TFCP2: variants seen among roughly 807,000 people sequenced by gnomAD.
TFCP2 encodes the protein alpha-globin transcription factor CP2.
In TFCP2, 33 loss-of-function variants were observed where a neutral mutation model predicts 73.4. The ratio of observed to expected loss-of-function variants is 0.45; its 90% CI spans 0.34 to 0.60. The LOEUF is 0.60. TFCP2 is among the 20% of genes least tolerant of loss of function. The pLI is 0.01. For missense variants in TFCP2, 352 were observed against 604.0 expected (o/e 0.58, Z 4.37); for synonymous variants, 193 against 211.6 (o/e 0.91, Z 0.76).
At chr12:51,122,239 ATTTTTTTTCTTTTCTTTTTT>A (rs1940695927) in intron 1 of TFCP2, among the ~76,000 whole-genome samples, 1 of 113,936 alleles carries the variant, frequency 8.8e-6, no homozygotes, top group African/African-American at 3.3e-5. Flanking sequence ...AAACAGTTTT[ATTTTTTTTCTTTTCTTTTTT>A]TTTTTTTTTT....
At position 51,106,567 on chromosome 12, in the gene TFCP2, G is replaced by A; in HGVS notation, c.875C>T (p.Pro292Leu). 1 of 1,613,610 alleles carries A rather than the reference G, an allele frequency of 6.2e-7. No individual in the cohort carries two copies. Among genetic ancestry groups the A allele is most frequent in the Non-Finnish European group, 8.5e-7 (1 of 1,179,806 alleles). The change falls in exon 8 of 15, where the codon CCT (proline) becomes CTT (leucine). Residue 292 changes from proline to leucine, a missense_variant. Around this residue, in one of 6 missense-constraint regions of TFCP2, gnomAD observed 194 missense variants for 256.3 expected, o/e 0.76. Transcript: ENST00000257915. The stretch of plus-strand genomic sequence containing the variant: ...ACTGCTATGGGAACTGTTGAAGCCA[G>A]GTGATGGGGAGTTATTGACATACGT... Reference protein sequence around the residue: ...EITYVNNSPSPGFNSSHSSFS... With the variant: ...EITYVNNSPSLGFNSSHSSFS...
chr12:51,113,824 C>T (rs548323721), intron 4 of TFCP2, among the ~76,000 whole-genome samples: 2 of 152,258 alleles, frequency 1.3e-5, no homozygotes, highest in South Asian at 2.1e-4. Flanking sequence ...TTTCAACAAA[C>T]GGTGTGGAGA....
rs1329129490 is a variant in TFCP2 at position 51,118,605 on chromosome 12, T to C, written c.274+16A>G. The stretch of plus-strand genomic sequence containing the variant: ...GTAGGTCTGCAATAGTACTAATGAA[T>C]GAGGAAGCATCTAACCTTGATTGAG... On this transcript the variant is annotated intron_variant, in intron 2 of 14. Transcript: ENST00000257915. 1.2e-6 allele frequency: 2 copies of C among 1,611,990 alleles called. No homozygotes were observed. The highest frequency in any genetic ancestry group is 1.7e-6 in the Non-Finnish European group (2 of 1,178,872).
At chr12:51,124,958 G>C (rs959132755) in intron 1 of TFCP2, 1 of 751,356 alleles carries the variant, frequency 1.3e-6, no homozygotes, top group Non-Finnish European at 2.4e-6. Context: ...CCGTAAGGTC[G>C]TTGCTCACCT....
At position 51,093,833 on chromosome 12, in the gene TFCP2, A is replaced by AACATAC. The variant is rs913637996; in HGVS notation, c.*1407_*1408insGTATGT. ...CATTTAAACCTTATCAAATGCTTTA[A>AACATAC]ACACACACACACACACACACACACA... On this transcript the variant is annotated 3_prime_UTR_variant, in exon 15 of 15. Transcript: ENST00000257915. 5 of 149,462 alleles carry AACATAC rather than the reference A, an allele frequency of 3.3e-5. No homozygotes were observed. The highest frequency in any genetic ancestry group is 9.9e-5 in the African/African-American group (4 of 40,430). 9.3% of individuals were successfully genotyped at this position (149,462 alleles called of 1,614,324 possible). A position where few individuals can be genotyped will look rare whatever the true frequency, so the allele number is the denominator to read the frequency against.
At chr12:51,120,216 AC>A (rs1473055438) in intron 1 of TFCP2, among the ~76,000 whole-genome samples, 59 of 149,996 alleles carry the variant, frequency 3.9e-4, no homozygotes, top group African/African-American at 1.1e-3. Flanking sequence ...AACAACAACA[AC>A]AAAAAAATAA....
intron 1 of TFCP2, among the ~76,000 whole-genome samples, chr12:51,124,140 G>C (rs1415776876): frequency 6.6e-6 from 1 of 151,672 alleles, no homozygotes; most frequent in Non-Finnish European, 1.5e-5. Context: ...CTGTCACCCA[G>C]GATGGGGTAC....
At chr12:51,106,751 T>C (rs1270105795) in intron 7 of TFCP2, 138 bp from the exon 8 acceptor site, 3 of 669,110 alleles carry the variant, frequency 4.5e-6, no homozygotes, top group Non-Finnish European at 5.1e-6. Flanking sequence ...TAGAGAACAC[T>C]GCTTCTCTTT....
chr12:51,160,568 G>A (rs951018928), intron 1 of TFCP2, among the ~76,000 whole-genome samples: 26 of 152,070 alleles, frequency 1.7e-4, no homozygotes, highest in South Asian at 4.2e-4. Context: ...GTGTGTGTGC[G>A]CGCATACACT....
At chr12:51,159,054 C>T (rs1322008752) in intron 1 of TFCP2, among the ~76,000 whole-genome samples, 1 of 145,882 alleles carries the variant, frequency 6.9e-6, no homozygotes, top group Admixed American at 6.9e-5. Context: ...TGGTAGGCGC[C>T]TTTAATCACA....
At chr12:51,102,802 TCTTA>T (rs764693506) in intron 10 of TFCP2, among the ~76,000 whole-genome samples, 1 of 152,164 alleles carries the variant, frequency 6.6e-6, no homozygotes, top group Non-Finnish European at 1.5e-5. Flanking sequence ...CCCATGAACG[TCTTA>T]CTGTCACTAT....
intron 1 of TFCP2, among the ~76,000 whole-genome samples, chr12:51,157,930 G>C (rs904001012): frequency 5.3e-5 from 8 of 151,482 alleles, no homozygotes; most frequent in Admixed American, 4.6e-4. Flanking sequence ...CTCCCACTTT[G>C]AACTCCCAAA....
rs192728910 is a variant in TFCP2, at chr12:51,157,357, C to T, written c.122+14944G>A. Among the ~76,000 whole-genome samples the T allele has an allele frequency of 2.0e-5, 3 of 152,094 alleles. No homozygotes were observed. The East Asian group carries it at 5.8e-4, about 29-fold the overall frequency. ...CTTTTTAAGAGACAGGCTCTGTTAC[C>T]CTAGGTAGAATGCCGTGGAACAATC... On this transcript the variant is annotated intron_variant, in intron 1 of 14. Coordinates refer to ENST00000257915, the MANE Select transcript of TFCP2 (RefSeq NM_005653.5).
intron 1 of TFCP2, among the ~76,000 whole-genome samples, chr12:51,141,508 T>C (rs1941190650): frequency 6.6e-6 from 1 of 152,200 alleles, no homozygotes; most frequent in African/African-American, 2.4e-5. Flanking sequence ...CTTCTTTGTC[T>C]TGTCACCCTA....
At chr12:51,158,475 T>C (rs531989373) in intron 1 of TFCP2, among the ~76,000 whole-genome samples, 13 of 152,242 alleles carry the variant, frequency 8.5e-5, no homozygotes, top group Non-Finnish European at 1.9e-4. Flanking sequence ...ATCCTAGTCA[T>C]CAGTATCTGT....
chr12:51,148,537 T>C (rs867899835), intron 1 of TFCP2, among the ~76,000 whole-genome samples: 8 of 151,500 alleles, frequency 5.3e-5, no homozygotes, highest in Middle Eastern at 3.4e-3. Flanking sequence ...CCATTTCTAC[T>C]AAAAATACAA....
intron 1 of TFCP2, among the ~76,000 whole-genome samples, chr12:51,140,920 G>A (rs1941179721): frequency 6.6e-6 from 1 of 151,974 alleles, no homozygotes; most frequent in African/African-American, 2.4e-5. Flanking sequence ...GCCAGGCGTG[G>A]TGGCAGGCGC....
intron 1 of TFCP2, among the ~76,000 whole-genome samples, chr12:51,151,581 C>T (rs988772011): frequency 1.3e-5 from 2 of 152,116 alleles, no homozygotes; most frequent in Non-Finnish European, 2.9e-5. Context: ...GGACTACAGG[C>T]GCCCGCCACC....
chr12:51,099,848 A>AT lies in TFCP2; in HGVS notation c.1152-70dup, dbSNP rs1019201490. On this transcript the variant is annotated intron_variant, in intron 11 of 14. Coordinates refer to ENST00000257915, the MANE Select transcript of TFCP2 (RefSeq NM_005653.5). ...TAAGCACAATAAAAAGAAGGGAGAA[A>AT]TTGTGTTTCTACATTAATCGTATAG... is the stretch of plus-strand genomic sequence containing the variant. 1.6e-5 allele frequency: 25 copies of AT among 1,570,932 alleles called. No individual in the cohort carries two copies. The African/African-American group carries it at 3.1e-4, about 20-fold the overall frequency.
Sources: gnomAD v4.1 joint callset for allele counts (sites outside exome capture counted in the v4.1 genomes callset) on GRCh38, gnomAD v4.1.1 for gene constraint, gnomAD v4.1.1 regional missense constraint, MANE v1.5 for transcripts, NCBI Gene and HGNC (gene_info 2026-07-23, HGNC 2026-07-21) for gene names.